FAM135A: variants seen among roughly 807,000 people sequenced by gnomAD.
FAM135A encodes protein FAM135A.
A neutral mutation model predicts 146.8 loss-of-function variants in FAM135A; 79 were observed. That is an observed-to-expected ratio of 0.54 (90% CI 0.45 to 0.65). FAM135A has a LOEUF of 0.65. Among genes scored for constraint, FAM135A ranks in the 30% least tolerant of loss-of-function variants. The probability of loss-of-function intolerance (pLI) is 0.00; values close to 1 mark genes in which losing one functional copy is unlikely to be tolerated. For synonymous variants in FAM135A, 562 were observed against 603.6 expected (o/e 0.93, Z 1.01); for missense variants, 1,623 against 1,758.2 (o/e 0.92, Z 1.38).
chr6:70,454,601 G>T (rs1165766477), intron 5 of FAM135A, among the ~76,000 whole-genome samples: 1 of 152,068 alleles, frequency 6.6e-6, no homozygotes, highest in Non-Finnish European at 1.5e-5. Flanking sequence ...GTAAGGAAGG[G>T]GTCCAGTTTC....
chr6:70,516,670 G>T (rs1321997943), intron 12 of FAM135A, among the ~76,000 whole-genome samples: 1 of 151,470 alleles, frequency 6.6e-6, no homozygotes, highest in Non-Finnish European at 1.5e-5. Flanking sequence ...AAGTAGCTGG[G>T]ACTACAGGCA....
In FAM135A at chr6:70,536,385, A is replaced by G. The variant is rs1279963512; in HGVS notation, c.4091A>G (p.Tyr1364Cys). 1 of 1,610,710 alleles carries G rather than the reference A, an allele frequency of 6.2e-7. No homozygotes were observed. Among genetic ancestry groups the G allele is most frequent in the Non-Finnish European group, 8.5e-7 (1 of 1,178,832 alleles). The change falls in exon 19 of 22, where the codon TAC becomes TGC. Residue 1364 changes from tyrosine to cysteine, a missense_variant. Tyr to Cys is a radical substitution (Grantham distance 194, BLOSUM62 -2). Coordinates refer to ENST00000418814, the MANE Select transcript of FAM135A (RefSeq NM_001162529.3). Reference sequence around the variant, plus strand: ...TCTGGACCTCACCTTGGTACACTCTACAACAGCAGTGCTCTTGTTAATACA... The same window carrying G: ...TCTGGACCTCACCTTGGTACACTCTGCAACAGCAGTGCTCTTGTTAATACA... The part of the protein sequence containing the change: ...SLSGPHLGTL[Y>C]NSSALVNTGL...
At chr6:70,466,408 A>G (rs1352776591) in intron 5 of FAM135A, among the ~76,000 whole-genome samples, 1 of 152,190 alleles carries the variant, frequency 6.6e-6, no homozygotes, top group African/African-American at 2.4e-5. Context: ...TTTGAAAAAA[A>G]TTGAGTGGCA....
intron 4 of FAM135A, among the ~76,000 whole-genome samples, chr6:70,429,748 A>G (rs1310074287): frequency 1.3e-5 from 2 of 152,182 alleles, no homozygotes; most frequent in Admixed American, 6.5e-5. Context: ...GATGGATATT[A>G]TGATACATTA....
intron 5 of FAM135A, among the ~76,000 whole-genome samples, chr6:70,474,258 GTTTCTT>G (rs149657089): frequency 1.5e-4 from 23 of 152,012 alleles, no homozygotes; most frequent in African/African-American, 3.4e-4. Flanking sequence ...TTGATCTCTA[GTTTCTT>G]TTTCTTTTTC....
chr6:70,525,319 T>C lies in FAM135A; in HGVS notation c.2235T>C (p.His745=), dbSNP rs775921976. 2 of 1,611,626 alleles carry C rather than the reference T, an allele frequency of 1.2e-6. No homozygotes were observed. Among genetic ancestry groups the C allele is most frequent in the South Asian group, 1.1e-5 (1 of 90,418 alleles). Residue 745 remains histidine, a synonymous_variant, in exon 15 of 22, where the codon CAT becomes CAC. Coordinates refer to ENST00000418814, the MANE Select transcript of FAM135A (RefSeq NM_001162529.3). The part of the protein sequence containing the change: ...NLPAPSTKEY[H]VVVSGDTIKL... ...CTGCCCCTTCTACAAAAGAATATCA[T>C]GTTGTAGTAAGTGGAGATACAATTA...
At chr6:70,447,000 C>G (rs949673141) in intron 4 of FAM135A, among the ~76,000 whole-genome samples, 6 of 152,216 alleles carry the variant, frequency 3.9e-5, no homozygotes, top group African/African-American at 1.2e-4. Context: ...CCCAGGTTGT[C>G]CATCGGGCCC....
intron 15 of FAM135A, 96 bp downstream of exon 15, chr6:70,526,794 C>G (rs1193771080): frequency 3.9e-6 from 3 of 762,218 alleles, no homozygotes; most frequent in Non-Finnish European, 5.8e-6. Context: ...CACACACACA[C>G]ACACACACAT....
chr6:70,550,554 T>A (rs75782125), intron 20 of FAM135A, among the ~76,000 whole-genome samples: 25,721 of 152,198 alleles, frequency 0.17, 2,261 homozygotes, highest in Middle Eastern at 0.21. Context: ...GTCTCAACTG[T>A]GGGCTTAAAA....
At chr6:70,435,871 G>A (rs1772990565) in intron 4 of FAM135A, among the ~76,000 whole-genome samples, 2 of 152,294 alleles carry the variant, frequency 1.3e-5, no homozygotes, top group South Asian at 4.1e-4. Flanking sequence ...ATAATGTCAT[G>A]TATGTGTTGT....
chr6:70,518,721 C>T (rs1186448408), intron 12 of FAM135A, among the ~76,000 whole-genome samples: 2 of 152,118 alleles, frequency 1.3e-5, no homozygotes, highest in African/African-American at 4.8e-5. Flanking sequence ...AACAACAAAG[C>T]CTAGATTACA....
intron 4 of FAM135A, among the ~76,000 whole-genome samples, chr6:70,442,544 G>T (rs944235355): frequency 6.6e-6 from 1 of 151,312 alleles, no homozygotes; most frequent in Non-Finnish European, 1.5e-5. Flanking sequence ...ATTAGTTTTT[G>T]GTATATCCTT....
chr6:70,519,176 G>C (rs6933150), intron 12 of FAM135A, among the ~76,000 whole-genome samples: 26,765 of 152,014 alleles, frequency 0.18, 2,429 homozygotes, highest in Middle Eastern at 0.22. Context: ...AAGGGGTCAC[G>C]ACGAGTGGAG....
intron 4 of FAM135A, among the ~76,000 whole-genome samples, chr6:70,435,091 A>G (rs1034654359): frequency 2.9e-3 from 314 of 108,130 alleles, no homozygotes; most frequent in African/African-American, 0.011. Context: ...GTATATATAT[A>G]TATATATATA....
In FAM135A at chr6:70,526,750, T is replaced by TAC. The variant is rs749224479; in HGVS notation, c.3614+66_3614+67dup. Reference sequence around the variant, plus strand: ...GCTGCTAAATATATACATATATATATACACACACACACACATACACACACA... The same window carrying TAC: ...GCTGCTAAATATATACATATATATATACACACACACACACACATACACACACA... On this transcript the variant is annotated intron_variant, in intron 15 of 21. Transcript: ENST00000418814. 1,560 of 851,346 alleles carry TAC rather than the reference T, an allele frequency of 1.8e-3. 15 individuals are homozygous for TAC. In the African/African-American group the frequency reaches 0.022, roughly 12 times the overall value. 52.7% of individuals were successfully genotyped at this position (851,346 alleles called of 1,614,324 possible). A position where few individuals can be genotyped will look rare whatever the true frequency, so the allele number is the denominator to read the frequency against.
chr6:70,483,718 TGAA>T (rs1784137967), intron 10 of FAM135A, among the ~76,000 whole-genome samples: 1 of 152,184 alleles, frequency 6.6e-6, no homozygotes, highest in South Asian at 2.1e-4. Context: ...AACATATTAA[TGAA>T]GGACAGTATC....
intron 4 of FAM135A, among the ~76,000 whole-genome samples, chr6:70,444,895 A>G (rs1325488888): frequency 4.6e-5 from 7 of 152,266 alleles, no homozygotes; most frequent in Non-Finnish European, 1.0e-4. Context: ...CTACAGAATC[A>G]GTGATCACAC....
chr6:70,461,862 T>C (rs903587004), intron 5 of FAM135A, among the ~76,000 whole-genome samples: 4 of 152,222 alleles, frequency 2.6e-5, no homozygotes, highest in Non-Finnish European at 5.9e-5. Context: ...TGAGTCTTTC[T>C]TTCCTTATCA....
intron 5 of FAM135A, among the ~76,000 whole-genome samples, chr6:70,465,861 C>T (rs1356349758): frequency 1.3e-5 from 2 of 152,152 alleles, no homozygotes; most frequent in Admixed American, 6.6e-5. Flanking sequence ...TCCTTGCCTT[C>T]GAGAAATCTC....
Sources: allele counts gnomAD v4.1 joint callset (sites outside exome capture counted in the v4.1 genomes callset), GRCh38; gene constraint gnomAD v4.1.1; transcripts MANE v1.5; gene names NCBI Gene and HGNC (gene_info 2026-07-23, HGNC 2026-07-21).